The following CNTN4 variants were observed in gnomAD, a reference collection of about 807,000 sequenced individuals.
CNTN4 encodes the protein contactin 4, also known as contactin-4.
Under a neutral mutation model 122.5 loss-of-function variants are expected in CNTN4, and 77 were observed. The ratio of observed to expected loss-of-function variants is 0.63; its 90% CI spans 0.52 to 0.76. CNTN4 has a LOEUF of 0.76. Ranked by LOEUF, CNTN4 falls within the 30% of genes least tolerant of loss-of-function variation. The pLI, the probability that CNTN4 is intolerant of heterozygous loss-of-function variation, is 0.00. For synonymous variants in CNTN4, 512 were observed against 447.0 expected (o/e 1.15, Z -1.83); for missense variants, 1,256 against 1,259.1 (o/e 1.00, Z 0.04).
chr3:2,705,005 A>T (rs1001742167), intron 4 of CNTN4, among the ~76,000 whole-genome samples: 1 of 152,026 alleles, frequency 6.6e-6, no homozygotes, highest in Admixed American at 6.6e-5. Context: ...GTTGCAATTT[A>T]AATATATATA....
At chr3:2,349,628 C>T (rs2044532458) in intron 3 of CNTN4, among the ~76,000 whole-genome samples, 1 of 152,148 alleles carries the variant, frequency 6.6e-6, no homozygotes, top group Non-Finnish European at 1.5e-5. Context: ...AAAAATGATA[C>T]ATTTGTTTGA....
At chr3:3,055,411 A>T (rs1366123427) in intron 24 of CNTN4, among the ~76,000 whole-genome samples, 3 of 152,360 alleles carry the variant, frequency 2.0e-5, no homozygotes, top group African/African-American at 7.2e-5. Context: ...ATTAGATAAC[A>T]AGGAAGTGAC....
intron 8 of CNTN4, among the ~76,000 whole-genome samples, chr3:2,873,274 T>C (rs1348792835): frequency 6.6e-6 from 1 of 152,204 alleles, no homozygotes; most frequent in Non-Finnish European, 1.5e-5. Flanking sequence ...GTCACAACTT[T>C]CTAGCCTACT....
intron 5 of CNTN4, among the ~76,000 whole-genome samples, chr3:2,736,827 C>T (rs1239532652): frequency 1.3e-5 from 2 of 151,202 alleles, no homozygotes; most frequent in Non-Finnish European, 2.9e-5. Flanking sequence ...GAGTCTCGCT[C>T]TGTCAGGAGT....
chr3:2,714,622 T>G (rs2087368811), intron 4 of CNTN4, among the ~76,000 whole-genome samples: 1 of 152,150 alleles, frequency 6.6e-6, no homozygotes, highest in Admixed American at 6.5e-5. Context: ...CAAGCAGTAC[T>G]CAATGAGAAA....
intron 4 of CNTN4, among the ~76,000 whole-genome samples, chr3:2,589,952 A>G (rs1457677777): frequency 6.6e-6 from 1 of 152,166 alleles, no homozygotes; most frequent in Admixed American, 6.5e-5. Context: ...TATTCAATTT[A>G]TTATAAGCGA....
At chr3:2,782,403 C>T (rs1003856366) in intron 6 of CNTN4, among the ~76,000 whole-genome samples, 3 of 151,162 alleles carry the variant, frequency 2.0e-5, no homozygotes, top group Non-Finnish European at 2.9e-5. Context: ...AAAGAGCTTC[C>T]TAGTGGCGAT....
intron 2 of CNTN4, among the ~76,000 whole-genome samples, chr3:2,105,950 C>T (rs2032403738): frequency 6.6e-6 from 1 of 152,198 alleles, no homozygotes; most frequent in Non-Finnish European, 1.5e-5. Context: ...GTTCCTATTC[C>T]AAATGGGAGA....
intron 6 of CNTN4, among the ~76,000 whole-genome samples, chr3:2,815,978 A>G (rs1189722950): frequency 6.6e-6 from 1 of 151,874 alleles, no homozygotes; most frequent in African/African-American, 2.4e-5. Context: ...TTCTAAGTGA[A>G]GTAACTCAGG....
intron 3 of CNTN4, among the ~76,000 whole-genome samples, chr3:2,556,628 A>G (rs1325669681): frequency 6.6e-6 from 1 of 151,874 alleles, no homozygotes; most frequent in African/African-American, 2.4e-5. Flanking sequence ...AATTTTATAT[A>G]TGTGTACCTA....
At chr3:2,566,606 G>A (rs1220190137) in intron 3 of CNTN4, among the ~76,000 whole-genome samples, 2 of 152,060 alleles carry the variant, frequency 1.3e-5, no homozygotes, top group East Asian at 3.9e-4. Flanking sequence ...ATTTGGTGGG[G>A]GCCAGGAGGC....
At chr3:2,125,542 T>C (rs1263926931) in intron 2 of CNTN4, among the ~76,000 whole-genome samples, 3 of 148,226 alleles carry the variant, frequency 2.0e-5, no homozygotes, top group African/African-American at 7.5e-5. Flanking sequence ...TATGAAGATT[T>C]CTTTTTTCTT....
chr3:2,421,710 T>C (rs573040380), intron 3 of CNTN4, among the ~76,000 whole-genome samples: 1 of 152,288 alleles, frequency 6.6e-6, no homozygotes, highest in South Asian at 2.1e-4. Context: ...TCATTGAAAA[T>C]AGGGCAAACA....
intron 4 of CNTN4, among the ~76,000 whole-genome samples, chr3:2,682,623 A>G (rs777757900): frequency 3.9e-5 from 6 of 152,150 alleles, no homozygotes; most frequent in African/African-American, 1.2e-4. Context: ...TAAAGTATAT[A>G]TAGAAAATGG....
intron 13 of CNTN4, among the ~76,000 whole-genome samples, chr3:2,980,167 A>T (rs936185393): frequency 2.6e-5 from 4 of 152,202 alleles, no homozygotes; most frequent in Admixed American, 2.6e-4. Context: ...TCCTCTGTGG[A>T]TCCAAAATCT....
chr3:2,350,153 T>C (rs937555701), intron 3 of CNTN4, among the ~76,000 whole-genome samples: 6 of 152,144 alleles, frequency 3.9e-5, no homozygotes, highest in Non-Finnish European at 7.4e-5. Flanking sequence ...TCTAACTAGA[T>C]CCTTGCTAGG....
chr3:2,227,363 C>T (rs1042730995), intron 2 of CNTN4, among the ~76,000 whole-genome samples: 2 of 152,074 alleles, frequency 1.3e-5, no homozygotes, highest in South Asian at 2.1e-4. Context: ...TAATATGAAC[C>T]TCAACAGTCC....
At chr3:2,498,743 A>G (rs1159863575) in intron 3 of CNTN4, among the ~76,000 whole-genome samples, 2 of 151,860 alleles carry the variant, frequency 1.3e-5, no homozygotes, top group Non-Finnish European at 2.9e-5. Context: ...TGGCCTCCCA[A>G]AGGGCTGGTA....
chr3:2,272,100 C>G (rs138418301), intron 2 of CNTN4, among the ~76,000 whole-genome samples: 94 of 151,980 alleles, frequency 6.2e-4, no homozygotes, highest in African/African-American at 2.1e-3. Flanking sequence ...ATATTATAAT[C>G]CTGTGATAAA....
Sources: gnomAD v4.1 joint callset for allele counts (sites outside exome capture counted in the v4.1 genomes callset) on GRCh38, gnomAD v4.1.1 for gene constraint, MANE v1.5 for transcripts, NCBI Gene and HGNC (gene_info 2026-07-23, HGNC 2026-07-21) for gene names.